Variants in PAXIP1 observed in about 807,000 individuals in gnomAD.
PAXIP1 encodes PAX-interacting protein 1.
PAXIP1 carries 19 observed loss-of-function variants against 140.6 expected under a neutral mutation model. The observed-to-expected ratio is 0.14, with a 90% CI of 0.09 to 0.20. The LOEUF is 0.20. PAXIP1 is among the 10% of genes least tolerant of loss of function. The probability of loss-of-function intolerance (pLI) is 1.00; values close to 1 mark genes in which losing one functional copy is unlikely to be tolerated. For synonymous variants in PAXIP1, 442 were observed against 444.6 expected (o/e 0.99, Z 0.07); for missense variants, 920 against 1,208.6 (o/e 0.76, Z 3.54).
chr7:154,975,172 AAC>A (rs1201708491), intron 6 of PAXIP1, among the ~76,000 whole-genome samples: 23 of 143,558 alleles, frequency 1.6e-4, no homozygotes, highest in Admixed American at 6.4e-4. Flanking sequence ...AAAAAAAAAA[AAC>A]AAAAACAAAA....
At chr7:154,978,585 A>C (rs773253931) in intron 5 of PAXIP1, among the ~76,000 whole-genome samples, 1 of 152,176 alleles carries the variant, frequency 6.6e-6, no homozygotes, top group Non-Finnish European at 1.5e-5. Flanking sequence ...TTTCTGGACT[A>C]CCCATTCCAG....
rs185724884 is a variant in PAXIP1, at chr7:154,969,271, A to T, written c.1075-145T>A. ...GCAAATGATTGGAAACTGCAAAAAC[A>T]ATACTGCATTTTCTTTTGTATTTAT... On this transcript the variant is annotated intron_variant, in intron 6 of 20. Coordinates refer to ENST00000404141, the MANE Select transcript of PAXIP1 (RefSeq NM_007349.4). 6.5e-4 allele frequency: 553 copies of T among 848,522 alleles called. 1 individual carries two copies. Among genetic ancestry groups the T allele is most frequent in the Non-Finnish European group, 1.3e-4 (76 of 594,096 alleles). 52.6% of individuals were successfully genotyped at this position (848,522 alleles called of 1,614,324 possible). A position where few individuals can be genotyped will look rare whatever the true frequency, so the allele number is the denominator to read the frequency against.
chr7:154,996,155 A>G (rs1810599191), intron 2 of PAXIP1, among the ~76,000 whole-genome samples: 1 of 152,178 alleles, frequency 6.6e-6, no homozygotes, highest in South Asian at 2.1e-4. Flanking sequence ...TAGCAGCAGG[A>G]TCCAAAATAA....
In PAXIP1 at chr7:154,973,743, A is replaced by G. The variant is rs899208177; in HGVS notation, c.1074+1953T>C. On this transcript the variant is annotated intron_variant, in intron 6 of 20. Transcript: ENST00000404141. This position sits in a 1 kb window ranked among gnomAD's most constrained non-coding sequence, Gnocchi z 4.0. ...AAATGATCATTGTCAACATCACCTT[A>G]TACCTACGCCATACTGAATTTCCCC... is the stretch of plus-strand genomic sequence containing the variant. 6.6e-6 allele frequency among the ~76,000 whole-genome samples: 1 copy of G among 152,162 alleles called. No homozygotes were observed.
At chr7:154,962,532 A>G in intron 9 of PAXIP1, 74 bp from the exon 10 acceptor site, 6 of 1,338,314 alleles carry the variant, frequency 4.5e-6, no homozygotes, top group East Asian at 4.9e-5. Context: ...CTAAGGTTGT[A>G]TAACTACAAT....
At chr7:154,970,941 G>A (rs181280137) in intron 6 of PAXIP1, among the ~76,000 whole-genome samples, 77 of 152,322 alleles carry the variant, frequency 5.1e-4, no homozygotes, top group Admixed American at 3.1e-3. Context: ...ATAAATGCCC[G>A]TCTGCAGGTG....
chr7:154,993,647 A>T, intron 3 of PAXIP1, 79 bp downstream of exon 3: 1 of 1,047,360 alleles, frequency 9.5e-7, no homozygotes, highest in Non-Finnish European at 1.4e-6. Context: ...TCCACTTTTC[A>T]CTCCATTAAC....
At chr7:154,978,536 G>C (rs1585068364) in intron 5 of PAXIP1, among the ~76,000 whole-genome samples, 1 of 151,990 alleles carries the variant, frequency 6.6e-6, no homozygotes, top group East Asian at 1.9e-4. Context: ...ATGTTATATA[G>C]CTCTCCCCAG....
Position 154,975,722 on chromosome 7 carries a change from T to C in PAXIP1, c.1048A>G (p.Met350Val). Residue 350 changes from methionine (M) to valine (V), a missense_variant, in exon 6 of 21, where the codon ATG (methionine) becomes GTG (valine). By Grantham distance (21) the Met-to-Val change is conservative. This residue lies in a region of PAXIP1 where 419 missense variants were observed against 514.7 expected (regional missense o/e 0.81). Transcript: ENST00000404141. Reference sequence around the variant, plus strand: ...TGTGCTACATTTGATGGCCGGTTCATCTGCTGAATGTCAGCATTATTAGTA... The same window carrying C: ...TGTGCTACATTTGATGGCCGGTTCACCTGCTGAATGTCAGCATTATTAGTA... ...NITNNADIQQ[M>V]NRPSNVAHIL... The C allele has an allele frequency of 4.3e-6, 7 of 1,611,518 alleles. No homozygotes were observed. Among genetic ancestry groups the C allele is most frequent in the Non-Finnish European group, 5.9e-6 (7 of 1,177,844 alleles).
chr7:154,979,777 G>A (rs745510057), intron 5 of PAXIP1, among the ~76,000 whole-genome samples: 1 of 152,096 alleles, frequency 6.6e-6, no homozygotes, highest in Non-Finnish European at 1.5e-5. Flanking sequence ...CCTTCAAGGG[G>A]TGAGTTAGAA....
At chr7:154,996,313 T>C (rs1476087147) in intron 2 of PAXIP1, among the ~76,000 whole-genome samples, 2 of 152,166 alleles carry the variant, frequency 1.3e-5, no homozygotes, top group Non-Finnish European at 2.9e-5. Context: ...CTGTCAAAAA[T>C]TACAAGCAGG....
Position 154,997,300 on chromosome 7 carries a change from A to T in PAXIP1, c.216+1350T>A, listed in dbSNP as rs1810679292. On this transcript the variant is annotated intron_variant, in intron 2 of 20. Transcript: ENST00000404141. ...TGTGTTACCCAGACTGGAGTACAGTAGCTATTCACAGGTGTGATCACAGTG... is the reference window on the plus strand; with the variant it reads ...TGTGTTACCCAGACTGGAGTACAGTTGCTATTCACAGGTGTGATCACAGTG... Among the ~76,000 whole-genome samples the T allele has an allele frequency of 2.6e-5, 4 of 152,272 alleles. No individual in the cohort carries two copies. The South Asian group carries it at 6.2e-4, about 24-fold the overall frequency.
Position 154,998,895 on chromosome 7 carries a change from T to C in PAXIP1, c.82-111A>G, listed in dbSNP as rs972172590. 6 of 890,966 alleles carry C rather than the reference T, an allele frequency of 6.7e-6. No individual in the cohort carries two copies. The South Asian group carries it at 7.2e-5, about 11-fold the overall frequency. The allele number at this position is 890,966 out of a possible 1,614,324, so 55.2% of individuals were successfully genotyped here. On this transcript the variant is annotated intron_variant, in intron 1 of 20. Transcript: ENST00000404141. ...AGTACTTTTTAATAAAAACACACCA[T>C]ATTCCCCACATAAAAACTAACAGCC...
At chr7:154,978,077 T>C (rs1474501540) in intron 5 of PAXIP1, among the ~76,000 whole-genome samples, 2 of 152,218 alleles carry the variant, frequency 1.3e-5, no homozygotes, top group Non-Finnish European at 2.9e-5. Flanking sequence ...CTCCTGAACT[T>C]TGTTTACGGA....
At chr7:154,945,059 C>T (rs1217276528) in intron 20 of PAXIP1, 6 of 150,030 alleles carry the variant, frequency 4.0e-5, no homozygotes, top group South Asian at 2.1e-4. Flanking sequence ...GCGATATTGG[C>T]TCACTGCAAC....
At chr7:154,993,665 T>C (rs915948917) in intron 3 of PAXIP1, 61 bp downstream of exon 3, 1 of 1,237,792 alleles carries the variant, frequency 8.1e-7, no homozygotes, top group Non-Finnish European at 1.2e-6. Context: ...AACTATCATT[T>C]CTTTCAGTCT....
At chr7:154,995,582 G>A (rs933164459) in intron 2 of PAXIP1, among the ~76,000 whole-genome samples, 7 of 152,264 alleles carry the variant, frequency 4.6e-5, no homozygotes, top group Admixed American at 3.9e-4. Flanking sequence ...GATCGCGATG[G>A]CTCATGCCTG....
At chr7:154,985,026 T>C (rs1174713859) in intron 4 of PAXIP1, among the ~76,000 whole-genome samples, 3 of 152,178 alleles carry the variant, frequency 2.0e-5, no homozygotes, top group Admixed American at 6.5e-5. Flanking sequence ...TATGTCAACT[T>C]GGAAAACTTC....
At chr7:154,970,542 T>A (rs1290802430) in intron 6 of PAXIP1, among the ~76,000 whole-genome samples, 1 of 152,234 alleles carries the variant, frequency 6.6e-6, no homozygotes, top group East Asian at 1.9e-4. Context: ...AAATGTCTTT[T>A]AAACAAAATA....
Sources: gnomAD v4.1 joint callset for allele counts (sites outside exome capture counted in the v4.1 genomes callset) on GRCh38, gnomAD v4.1.1 for gene constraint, gnomAD v4.1.1 regional missense constraint, Gnocchi (gnomAD v3.1) non-coding constraint, MANE v1.5 for transcripts, NCBI Gene and HGNC (gene_info 2026-07-23, HGNC 2026-07-21) for gene names.